The following GPHN variants were observed in gnomAD, a reference collection of about 807,000 sequenced individuals.
GPHN encodes the protein gephyrin.
A neutral mutation model predicts 95.5 loss-of-function variants in GPHN; 17 were observed. That is an observed-to-expected ratio of 0.18 (90% CI 0.12 to 0.27). GPHN has a LOEUF of 0.27. GPHN is among the 10% of genes least tolerant of loss of function. The pLI is 1.00. For missense variants in GPHN, 660 were observed against 978.1 expected (o/e 0.67, Z 4.34); for synonymous variants, 320 against 322.5 (o/e 0.99, Z 0.08).
At chr14:67,539,073 T>A in the GPHN span, among the ~76,000 whole-genome samples, 1 of 152,218 alleles carries the variant, frequency 6.6e-6, no homozygotes, top group South Asian at 2.1e-4. Context: ...GCTTTTACTG[T>A]TATTTCTTAG....
the GPHN span, among the ~76,000 whole-genome samples, chr14:67,322,581 A>AT: frequency 6.6e-6 from 1 of 152,102 alleles, no homozygotes; most frequent in Non-Finnish European, 1.5e-5. Flanking sequence ...GTAATTAGGG[A>AT]TTTTTGTTTG....
intron 3 of GPHN, among the ~76,000 whole-genome samples, chr14:66,784,278 G>A (rs370078132): frequency 3.3e-5 from 5 of 152,230 alleles, no homozygotes; most frequent in African/African-American, 9.6e-5. Flanking sequence ...TTTTTCAAGT[G>A]CTGGAAAAAA....
chr14:67,692,598 C>T, the GPHN span: 40 of 1,555,362 alleles, frequency 2.6e-5, no homozygotes, highest in Non-Finnish European at 3.2e-5. Flanking sequence ...GAGCTCCTGT[C>T]AGCCAACATA....
intron 3 of GPHN, among the ~76,000 whole-genome samples, chr14:66,794,317 T>C (rs1031606296): frequency 1.3e-5 from 2 of 152,156 alleles, no homozygotes; most frequent in African/African-American, 2.4e-5. Flanking sequence ...CTCATGCTGC[T>C]GCTCTGGCCA....
intron 2 of GPHN, chr14:66,760,597 CCA>C: frequency 2.6e-6 from 1 of 387,342 alleles, no homozygotes. Context: ...TGATGTTCAT[CCA>C]CAATGATTGC....
At chr14:66,723,564 C>T (rs2070949894) in intron 2 of GPHN, among the ~76,000 whole-genome samples, 1 of 151,954 alleles carries the variant, frequency 6.6e-6, no homozygotes, top group Non-Finnish European at 1.5e-5. Context: ...TCCTAATAAA[C>T]AAAAACCTTG....
At chr14:66,849,248 A>C (rs1596135799) in intron 4 of GPHN, among the ~76,000 whole-genome samples, 1 of 151,960 alleles carries the variant, frequency 6.6e-6, no homozygotes, top group Non-Finnish European at 1.5e-5. Context: ...TTCTACAAAA[A>C]AATTGGGATT....
intron 9 of GPHN, among the ~76,000 whole-genome samples, chr14:66,997,173 C>T (rs1364905096): frequency 6.6e-6 from 1 of 151,944 alleles, no homozygotes; most frequent in Non-Finnish European, 1.5e-5. Flanking sequence ...TGAGACCAGC[C>T]TGGCCAACAT....
At chr14:67,348,872 G>T in the GPHN span, 1 of 692,160 alleles carries the variant, frequency 1.4e-6, no homozygotes, top group Non-Finnish European at 2.4e-6. Context: ...GTTATCCTGA[G>T]TAATTAGAAA....
the GPHN span, chr14:67,691,322 C>T: frequency 1.1e-6 from 1 of 914,682 alleles, no homozygotes. Flanking sequence ...CACGCTCAGG[C>T]TTTGAAAATG....
At chr14:67,260,946 A>C in the GPHN span, among the ~76,000 whole-genome samples, 1 of 152,136 alleles carries the variant, frequency 6.6e-6, no homozygotes, top group Non-Finnish European at 1.5e-5. Flanking sequence ...ATGTCAGGCT[A>C]AGGTGTTCTG....
chr14:67,418,253 G>A, the GPHN span, among the ~76,000 whole-genome samples: 4 of 152,132 alleles, frequency 2.6e-5, no homozygotes, highest in East Asian at 3.9e-4. Context: ...GCATATGGTC[G>A]AGTCCAGGTT....
chr14:67,280,837 T>TTCCTTCCTTCCTTCCTTCCTTCCC, the GPHN span, among the ~76,000 whole-genome samples: 3 of 133,446 alleles, frequency 2.2e-5, no homozygotes, highest in African/African-American at 9.5e-5. Context: ...CCTTCCTTCC[T>TTCCTTCCTTCCTTCCTTCCTTCCC]TCCTTCCTTC....
intron 2 of GPHN, among the ~76,000 whole-genome samples, chr14:66,751,445 T>A (rs189454383): frequency 3.3e-5 from 5 of 152,246 alleles, no homozygotes; most frequent in Admixed American, 1.3e-4. Context: ...TGATCAGTGA[T>A]GTTGAGCTTT....
intron 1 of GPHN, among the ~76,000 whole-genome samples, chr14:66,601,311 C>T (rs1185209511): frequency 1.3e-5 from 2 of 151,880 alleles, no homozygotes; most frequent in African/African-American, 4.8e-5. Context: ...TTTTGGAGAC[C>T]ACGGAAAGGC....
the GPHN span, chr14:67,579,670 G>A: frequency 6.3e-7 from 1 of 1,576,196 alleles, no homozygotes; most frequent in Non-Finnish European, 8.7e-7. Flanking sequence ...CAGCCCTAGT[G>A]AGCTCCTCTC....
At chr14:66,589,740 T>C (rs1017585990) in intron 1 of GPHN, among the ~76,000 whole-genome samples, 3 of 152,098 alleles carry the variant, frequency 2.0e-5, no homozygotes, top group Non-Finnish European at 1.5e-5. Context: ...TGGGAGACTT[T>C]AACACCCCAC....
chr14:67,031,766 A>AT (rs2074207682), intron 10 of GPHN, among the ~76,000 whole-genome samples: 2 of 151,404 alleles, frequency 1.3e-5, no homozygotes, highest in Non-Finnish European at 3.0e-5. Context: ...TATATTCCCA[A>AT]AGTACTATTC....
chr14:67,334,064 A>C, the GPHN span: 1 of 152,560 alleles, frequency 6.6e-6, no homozygotes, highest in Non-Finnish European at 1.5e-5. Context: ...TCCTTGGGAA[A>C]TATTATGACA....
Sources: gnomAD v4.1 joint callset for allele counts (sites outside exome capture counted in the v4.1 genomes callset) on GRCh38, gnomAD v4.1.1 for gene constraint, MANE v1.5 for transcripts, NCBI Gene and HGNC (gene_info 2026-07-23, HGNC 2026-07-21) for gene names.